FBXL17: variants seen among roughly 807,000 people sequenced by gnomAD.
FBXL17 encodes F-box/LRR-repeat protein 17.
Under a neutral mutation model 66.2 loss-of-function variants are expected in FBXL17, and 22 were observed. That is an observed-to-expected ratio of 0.33 (90% CI 0.24 to 0.47). The LOEUF is 0.47. Among genes scored for constraint, FBXL17 ranks in the 20% least tolerant of loss-of-function variants. FBXL17 has a pLI of 1.00. For missense variants in FBXL17, 878 were observed against 948.2 expected (o/e 0.93, Z 0.97); for synonymous variants, 474 against 400.5 (o/e 1.18, Z -2.19).
chr5:107,988,062 A>G (rs768695765), intron 7 of FBXL17, among the ~76,000 whole-genome samples: 2 of 152,188 alleles, frequency 1.3e-5, no homozygotes, highest in South Asian at 4.1e-4. Flanking sequence ...TAAATCACCA[A>G]TTAAAAACAA....
chr5:108,200,616 C>T (rs1005681311), intron 5 of FBXL17, among the ~76,000 whole-genome samples: 9 of 151,570 alleles, frequency 5.9e-5, no homozygotes, highest in Admixed American at 5.3e-4. Context: ...TCAAAAGGGC[C>T]TCTGATAAAA....
intron 5 of FBXL17, among the ~76,000 whole-genome samples, chr5:108,194,481 C>T (rs903592085): frequency 1.1e-4 from 16 of 152,260 alleles, no homozygotes; most frequent in East Asian, 9.7e-4. Context: ...TGGCAACAGC[C>T]GCCAAGGAAC....
Position 108,281,856 on chromosome 5 carries a change from T to C in FBXL17, c.1507-57628A>G, listed in dbSNP as rs375284432. ...AAGGAGAAATTACAACTTATAACCA[T>C]AGAAATACAAAAGATCATCATACAC... is the stretch of plus-strand genomic sequence containing the variant. On this transcript the variant is annotated intron_variant, in intron 4 of 8. Transcript: ENST00000542267. Among the ~76,000 whole-genome samples, 93 of 151,546 alleles carry C rather than the reference T, an allele frequency of 6.1e-4. No individual in the cohort carries two copies. In the South Asian group the frequency reaches 7.7e-3, roughly 13 times the overall value.
rs185024712 is a variant in FBXL17 at position 107,970,783 on chromosome 5, G to C, written c.1822+50142C>G. ...TTGCTGTAGGTATGGAGGCTCTGAC[G>C]GCAAGAAAAACTACCTGTGCTCCCA... On this transcript the variant is annotated intron_variant, in intron 7 of 8. Coordinates refer to ENST00000542267, the MANE Select transcript of FBXL17 (RefSeq NM_001163315.3). Among the ~76,000 whole-genome samples, 541 of 152,224 alleles carry C rather than the reference G, an allele frequency of 3.6e-3. 5 individuals carry two copies. Among genetic ancestry groups the C allele is most frequent in the Middle Eastern group, 0.017 (5 of 294 alleles).
intron 4 of FBXL17, among the ~76,000 whole-genome samples, chr5:108,288,669 A>G (rs1757996269): frequency 6.6e-6 from 1 of 152,070 alleles, no homozygotes; most frequent in Non-Finnish European, 1.5e-5. Context: ...TCATAGTAGA[A>G]AGGCATTATG....
chr5:108,094,061 CAT>C (rs1256830602), intron 6 of FBXL17, among the ~76,000 whole-genome samples: 1 of 152,126 alleles, frequency 6.6e-6, no homozygotes, highest in Non-Finnish European at 1.5e-5. Flanking sequence ...TGCACCTCCA[CAT>C]AGTGTGCTCT....
intron 2 of FBXL17, among the ~76,000 whole-genome samples, chr5:108,366,877 AC>A (rs1580901231): frequency 6.6e-6 from 1 of 152,266 alleles, no homozygotes; most frequent in East Asian, 1.9e-4. Context: ...TGTGTTATAT[AC>A]ACACAAACAC....
At chr5:108,143,019 G>A (rs540069629) in intron 6 of FBXL17, among the ~76,000 whole-genome samples, 72 of 115,492 alleles carry the variant, frequency 6.2e-4, no homozygotes, top group African/African-American at 2.1e-3. Flanking sequence ...TCTCACAGGA[G>A]CATGAACCCT....
chr5:108,298,382 C>T, intron 4 of FBXL17: 1 of 980,940 alleles, frequency 1.0e-6, no homozygotes, highest in Non-Finnish European at 1.2e-6. Flanking sequence ...TCTTTCTACT[C>T]CACCAGTCAA....
At chr5:108,126,325 G>C (rs1750694642) in intron 6 of FBXL17, among the ~76,000 whole-genome samples, 1 of 152,018 alleles carries the variant, frequency 6.6e-6, no homozygotes, top group African/African-American at 2.4e-5. Context: ...GGTGAAACTA[G>C]ATCAGGTTCA....
At chr5:107,971,441 T>G (rs1473494247) in intron 7 of FBXL17, among the ~76,000 whole-genome samples, 1 of 152,228 alleles carries the variant, frequency 6.6e-6, no homozygotes, top group Non-Finnish European at 1.5e-5. Context: ...TTCTGTGGTA[T>G]TAGCATGTAT....
At chr5:108,049,720 C>G (rs1327479544) in intron 6 of FBXL17, among the ~76,000 whole-genome samples, 1 of 152,084 alleles carries the variant, frequency 6.6e-6, no homozygotes, top group Non-Finnish European at 1.5e-5. Flanking sequence ...ATGACAGGAT[C>G]AAATTCACAC....
chr5:107,875,904 C>T (rs1232039893), intron 8 of FBXL17, among the ~76,000 whole-genome samples: 3 of 152,246 alleles, frequency 2.0e-5, no homozygotes, highest in African/African-American at 7.2e-5. Context: ...TAGGCTCACA[C>T]AGAGGCGGCT....
intron 6 of FBXL17, among the ~76,000 whole-genome samples, chr5:108,060,232 C>A (rs1747869614): frequency 6.6e-6 from 1 of 151,720 alleles, no homozygotes; most frequent in Non-Finnish European, 1.5e-5. Context: ...GGTATTACTA[C>A]TTCTGCTTCA....
intron 7 of FBXL17, among the ~76,000 whole-genome samples, chr5:107,945,289 G>A (rs930304291): frequency 6.6e-6 from 1 of 152,108 alleles, no homozygotes; most frequent in Non-Finnish European, 1.5e-5. Flanking sequence ...ATTGAGCAAT[G>A]AGAAATGTTA....
chr5:108,187,436 T>C (rs1002556726), intron 5 of FBXL17, among the ~76,000 whole-genome samples: 6 of 152,288 alleles, frequency 3.9e-5, no homozygotes, highest in South Asian at 2.1e-4. Flanking sequence ...GGGGAGATTA[T>C]CCCAGGTTAT....
intron 1 of FBXL17, 59 bp downstream of exon 1, chr5:108,380,640 G>A (rs754919413): frequency 1.3e-5 from 14 of 1,076,366 alleles, no homozygotes; most frequent in Non-Finnish European, 1.7e-5. Context: ...GAAAGCCTCG[G>A]AGGCGGGGGC....
chr5:108,196,538 A>T (rs1266598813), intron 5 of FBXL17, among the ~76,000 whole-genome samples: 1 of 152,152 alleles, frequency 6.6e-6, no homozygotes, highest in Non-Finnish European at 1.5e-5. Flanking sequence ...ACCATGTCTT[A>T]CTCACTTTTG....
chr5:108,059,859 A>C lies in FBXL17; in HGVS notation c.1746-38858T>G, dbSNP rs1331567356. ...TTTATATGGATAACTTGGGGGAAAA[A>C]TTAAGTGTTTTTCATCATACCTACA... On this transcript the variant is annotated intron_variant, in intron 6 of 8. Transcript: ENST00000542267. 3.3e-5 allele frequency among the ~76,000 whole-genome samples: 5 copies of C among 152,098 alleles called. No homozygotes were observed. The South Asian group carries it at 1.0e-3, about 32-fold the overall frequency.
Sources: gnomAD v4.1 joint callset for allele counts (sites outside exome capture counted in the v4.1 genomes callset) on GRCh38, gnomAD v4.1.1 for gene constraint, MANE v1.5 for transcripts, NCBI Gene and HGNC (gene_info 2026-07-23, HGNC 2026-07-21) for gene names.